XPR1: variants seen among roughly 807,000 people sequenced by gnomAD.
XPR1 encodes solute carrier family 53 member 1.
In XPR1, 28 loss-of-function variants were observed where a neutral mutation model predicts 87.5. That is an observed-to-expected ratio of 0.32 (90% CI 0.24 to 0.44). The LOEUF is 0.44. Among genes scored for constraint, XPR1 ranks in the 20% least tolerant of loss-of-function variants. XPR1 has a pLI of 1.00. For missense variants in XPR1, 559 were observed against 862.3 expected (o/e 0.65, Z 4.41); for synonymous variants, 300 against 306.1 (o/e 0.98, Z 0.21).
rs1052937311 is a variant in XPR1, at chr1:180,886,523, T to C, written c.*2457T>C. On this transcript the variant is annotated 3_prime_UTR_variant, in exon 15 of 15. Transcript: ENST00000367590. ...CAGTTCTAGGCCCTAATCGGTCTTA[T>C]TCTTTCACATATGATGCAATGATAG... The C allele has an allele frequency of 6.6e-6, 1 of 152,242 alleles. No homozygotes were observed. Among genetic ancestry groups the C allele is most frequent in the Non-Finnish European group, 1.5e-5 (1 of 68,036 alleles). The allele number at this position is 152,242 out of a possible 1,614,324, so 9.4% of individuals were successfully genotyped here.
chr1:180,797,762 A>G (rs1649639999), intron 3 of XPR1, among the ~76,000 whole-genome samples: 1 of 152,108 alleles, frequency 6.6e-6, no homozygotes, highest in Non-Finnish European at 1.5e-5. Context: ...TGTATGTAGT[A>G]TTTTTTCAGG....
intron 2 of XPR1, among the ~76,000 whole-genome samples, chr1:180,735,562 T>C (rs1658701634): frequency 6.6e-6 from 1 of 152,158 alleles, no homozygotes; most frequent in South Asian, 2.1e-4. Context: ...TAACATTTTA[T>C]TTATTGATTA....
At chr1:180,770,166 T>A (rs934163121) in intron 2 of XPR1, among the ~76,000 whole-genome samples, 1 of 152,244 alleles carries the variant, frequency 6.6e-6, no homozygotes, top group Non-Finnish European at 1.5e-5. Flanking sequence ...TATGTTTTTG[T>A]CTTCTGAAAA....
rs1326328950 is a variant in XPR1 at position 180,884,655 on chromosome 1, G to GA, written c.*592dup. ...TTGGGAAGGGTTGCTGGGTGGGTGG[G>GA]AAATATGATGTATTTGTTACACATA... On this transcript the variant is annotated 3_prime_UTR_variant, in exon 15 of 15. Transcript: ENST00000367590. The GA allele has an allele frequency of 2.6e-5, 4 of 151,678 alleles. No homozygotes were observed. Among genetic ancestry groups the GA allele is most frequent in the African/African-American group, 9.7e-5 (4 of 41,238 alleles). 9.4% of individuals were successfully genotyped at this position (151,678 alleles called of 1,614,324 possible).
intron 2 of XPR1, 34 bp from the exon 3 acceptor site, chr1:180,787,719 C>A: frequency 6.9e-7 from 1 of 1,459,606 alleles, no homozygotes; most frequent in Non-Finnish European, 9.4e-7. Context: ...GGCCTTTGGA[C>A]ATTAAATTTA....
intron 2 of XPR1, among the ~76,000 whole-genome samples, chr1:180,703,296 G>A (rs1041623427): frequency 2.0e-5 from 3 of 152,130 alleles, no homozygotes; most frequent in African/African-American, 7.2e-5. Flanking sequence ...TCAGACTCAA[G>A]CAGTGGTGGT....
chr1:180,696,168 GT>G (rs1557961611), intron 2 of XPR1, among the ~76,000 whole-genome samples: 59 of 75,334 alleles, frequency 7.8e-4, no homozygotes, highest in African/African-American at 3.1e-3. Flanking sequence ...ATTCCTGGGT[GT>G]GTGTGTGTGT....
chr1:180,701,849 A>T (rs572212621), intron 2 of XPR1, among the ~76,000 whole-genome samples: 1 of 136,768 alleles, frequency 7.3e-6, no homozygotes, highest in East Asian at 2.0e-4. Flanking sequence ...TAGTCTTGCT[A>T]GCGGTCTATC....
chr1:180,752,622 G>T (rs1056025860), intron 2 of XPR1, among the ~76,000 whole-genome samples: 4 of 151,902 alleles, frequency 2.6e-5, no homozygotes, highest in Admixed American at 6.6e-5. Context: ...ATCTTGTTTG[G>T]GGTGAAGGGA....
rs769191010 is a variant in XPR1, at chr1:180,806,047, C to T, written c.448-15C>T. ...TAGTAGAAATTATAGTTGTGTTTCT[C>T]ATTTCTTTCTGTAGAATCTGAATTT... On this transcript the variant is annotated splice_polypyrimidine_tract_variant and intron_variant, in intron 4 of 14. Transcript: ENST00000367590. The T allele has an allele frequency of 1.1e-5, 17 of 1,608,800 alleles. No individual in the cohort carries two copies. Among genetic ancestry groups the T allele is most frequent in the African/African-American group, 6.7e-5 (5 of 74,670 alleles).
chr1:180,668,441 T>C (rs1656043095), intron 1 of XPR1, among the ~76,000 whole-genome samples: 1 of 152,144 alleles, frequency 6.6e-6, no homozygotes, highest in African/African-American at 2.4e-5. Context: ...TTTCCCTCTT[T>C]CTGTTACCCT....
At chr1:180,769,620 C>CT (rs1294107797) in intron 2 of XPR1, among the ~76,000 whole-genome samples, 1 of 152,094 alleles carries the variant, frequency 6.6e-6, no homozygotes, top group Non-Finnish European at 1.5e-5. Context: ...GGATCATATT[C>CT]TTTTTTATAG....
chr1:180,764,660 G>C (rs1252754699), intron 2 of XPR1, among the ~76,000 whole-genome samples: 1 of 151,802 alleles, frequency 6.6e-6, no homozygotes, highest in Non-Finnish European at 1.5e-5. Flanking sequence ...TGTAGAGGTG[G>C]GGTTTTGCCG....
intron 2 of XPR1, among the ~76,000 whole-genome samples, chr1:180,710,811 C>A (rs986248072): frequency 2.1e-5 from 3 of 142,282 alleles, no homozygotes; most frequent in Non-Finnish European, 3.1e-5. Flanking sequence ...CCGGATGGGG[C>A]GGCTGGCTGG....
chr1:180,651,392 G>A (rs1655288879), intron 1 of XPR1, among the ~76,000 whole-genome samples: 1 of 151,952 alleles, frequency 6.6e-6, no homozygotes, highest in East Asian at 1.9e-4. Context: ...CACCTCGCCC[G>A]GAATCCATTT....
At chr1:180,742,069 T>C (rs1658939204) in intron 2 of XPR1, among the ~76,000 whole-genome samples, 1 of 152,118 alleles carries the variant, frequency 6.6e-6, no homozygotes, top group South Asian at 2.1e-4. Flanking sequence ...TTGTTTGTTT[T>C]TTTTAAATCA....
Position 180,859,141 on chromosome 1 carries a change from A to G in XPR1, c.1502-4567A>G, listed in dbSNP as rs1173361515. On this transcript the variant is annotated intron_variant, in intron 11 of 14. Coordinates refer to ENST00000367590, the MANE Select transcript of XPR1 (RefSeq NM_004736.4). Reference sequence around the variant, plus strand: ...TGAAACATGATTCAAGTTGATTTCCATATGTAATTTTTCTGATTTCTCTCT... The same window carrying G: ...TGAAACATGATTCAAGTTGATTTCCGTATGTAATTTTTCTGATTTCTCTCT... Among the ~76,000 whole-genome samples, 6 of 152,272 alleles carry G rather than the reference A, an allele frequency of 3.9e-5. No individual in the cohort carries two copies. The East Asian group carries it at 1.2e-3, about 29-fold the overall frequency.
chr1:180,847,462 T>A (rs1013623779), intron 11 of XPR1, among the ~76,000 whole-genome samples: 1 of 152,154 alleles, frequency 6.6e-6, no homozygotes, highest in African/African-American at 2.4e-5. Context: ...TAGGACTAGG[T>A]TAATTTAGCC....
At chr1:180,702,882 A>G (rs2101971988) in intron 2 of XPR1, among the ~76,000 whole-genome samples, 1 of 152,162 alleles carries the variant, frequency 6.6e-6, no homozygotes, top group Middle Eastern at 3.4e-3. Flanking sequence ...TTATGCTGAT[A>G]TCTGCACCTC....
Sources: allele counts gnomAD v4.1 joint callset (sites outside exome capture counted in the v4.1 genomes callset), GRCh38; gene constraint gnomAD v4.1.1; transcripts MANE v1.5; gene names NCBI Gene and HGNC (gene_info 2026-07-23, HGNC 2026-07-21).